WWOX: variants seen among roughly 807,000 people sequenced by gnomAD.
The protein encoded by WWOX is WW domain-containing oxidoreductase.
In WWOX, 69 loss-of-function variants were observed where a neutral mutation model predicts 46.2. The ratio of observed to expected loss-of-function variants is 1.49; its 90% CI spans 1.23 to 1.82. The LOEUF (loss-of-function observed/expected upper bound fraction) is 1.82. Ranked by LOEUF, WWOX falls within the 40% of genes most tolerant of loss-of-function variation. WWOX has a pLI of 0.00. For missense variants in WWOX, 919 were observed against 542.6 expected (o/e 1.69, Z -6.89); for synonymous variants, 359 against 202.6 (o/e 1.77, Z -6.56).
intron 5 of WWOX, among the ~76,000 whole-genome samples, chr16:78,187,877 C>T (rs546308371): frequency 1.3e-3 from 191 of 152,194 alleles, no homozygotes; most frequent in African/African-American, 3.1e-3. Flanking sequence ...AAGGTAGATG[C>T]GGTGGGTTCT....
Position 78,980,048 on chromosome 16 carries a change from A to G in WWOX, c.1057-231560A>G, listed in dbSNP as rs549497681. Among the ~76,000 whole-genome samples the G allele has an allele frequency of 7.9e-5, 12 of 152,290 alleles. No homozygotes were observed. The East Asian group carries it at 2.3e-3, about 30-fold the overall frequency. On this transcript the variant is annotated intron_variant, in intron 8 of 8. Coordinates refer to ENST00000566780, the MANE Select transcript of WWOX (RefSeq NM_016373.4). ...GAAGCTGAGGCAGGAGAATCACTTG[A>G]ACTCAGAAGGCCAAGGTTGTAGTAA...
intron 1 of WWOX, among the ~76,000 whole-genome samples, chr16:78,101,337 G>C (rs983067199): frequency 7.6e-5 from 4 of 52,900 alleles, no homozygotes; most frequent in African/African-American, 1.9e-4. Context: ...GTGAGCTACC[G>C]CTCCCGGCCT....
chr16:78,303,347 G>T (rs780611986), intron 5 of WWOX, among the ~76,000 whole-genome samples: 1 of 152,048 alleles, frequency 6.6e-6, no homozygotes, highest in Non-Finnish European at 1.5e-5. Flanking sequence ...GGCCTGATGC[G>T]CTTTAGGTAC....
At chr16:78,908,734 C>T (rs928625128) in intron 8 of WWOX, among the ~76,000 whole-genome samples, 2 of 152,066 alleles carry the variant, frequency 1.3e-5, no homozygotes, top group African/African-American at 4.8e-5. Context: ...AAGCTGGCCT[C>T]TTGCACTGAG....
chr16:78,575,044 T>TAAATATATATATATATATATATAA, intron 8 of WWOX, among the ~76,000 whole-genome samples: 1 of 6,762 alleles, frequency 1.5e-4, no homozygotes, highest in East Asian at 7.9e-3. Context: ...TATATATATA[T>TAAATATATATATATATATATATAA]ATATATATAT....
At chr16:78,779,814 C>G (rs2050280536) in intron 8 of WWOX, among the ~76,000 whole-genome samples, 2 of 152,116 alleles carry the variant, frequency 1.3e-5, no homozygotes, top group Admixed American at 6.5e-5. Flanking sequence ...TGTACCCTCT[C>G]TGGCCCCAAG....
intron 8 of WWOX, among the ~76,000 whole-genome samples, chr16:78,558,043 G>A (rs1423554431): frequency 4.6e-5 from 7 of 152,086 alleles, no homozygotes; most frequent in African/African-American, 1.7e-4. Flanking sequence ...TCGGCCCTCA[G>A]TGAGCATTTG....
At chr16:78,638,455 A>T (rs371084441) in intron 8 of WWOX, among the ~76,000 whole-genome samples, 3 of 151,884 alleles carry the variant, frequency 2.0e-5, no homozygotes, top group East Asian at 3.9e-4. Flanking sequence ...TGCAAGCAAC[A>T]TCTGAAAGGC....
intron 8 of WWOX, among the ~76,000 whole-genome samples, chr16:78,590,073 C>A (rs767060244): frequency 4.0e-5 from 6 of 151,828 alleles, no homozygotes; most frequent in Admixed American, 1.3e-4. Flanking sequence ...AGCTATGATG[C>A]CTATCCTTAA....
At chr16:78,933,687 G>C (rs1476741892) in intron 8 of WWOX, among the ~76,000 whole-genome samples, 1 of 152,184 alleles carries the variant, frequency 6.6e-6, no homozygotes, top group Non-Finnish European at 1.5e-5. Context: ...GGGCAGACAA[G>C]AGAGGAGAGC....
At chr16:78,621,099 G>A (rs2738563) in intron 8 of WWOX, among the ~76,000 whole-genome samples, 106,379 of 151,974 alleles carry the variant, frequency 0.7, 37,418 homozygotes, top group Middle Eastern at 0.77. Context: ...TTGGTCCACA[G>A]TTTATCTTTG....
At chr16:78,476,123 C>A (rs984838527) in intron 8 of WWOX, among the ~76,000 whole-genome samples, 2 of 152,162 alleles carry the variant, frequency 1.3e-5, no homozygotes, top group African/African-American at 4.8e-5. Flanking sequence ...GCAAATCTTG[C>A]CTGTGATACA....
At chr16:78,353,848 C>T (rs1232056687) in intron 5 of WWOX, among the ~76,000 whole-genome samples, 35 of 152,226 alleles carry the variant, frequency 2.3e-4, no homozygotes, top group Admixed American at 2.3e-3. Context: ...GTTCGCTTTA[C>T]CCTTGCCCTT....
At chr16:78,109,954 A>G (rs557389899) in intron 3 of WWOX, 119 bp downstream of exon 3, 3 of 1,094,670 alleles carry the variant, frequency 2.7e-6, no homozygotes, top group African/African-American at 3.1e-5. Flanking sequence ...TGTATCTGTA[A>G]TCTTAGCAGA....
At chr16:78,317,991 G>A (rs192957823) in intron 5 of WWOX, among the ~76,000 whole-genome samples, 2 of 152,250 alleles carry the variant, frequency 1.3e-5, no homozygotes, top group East Asian at 3.9e-4. Context: ...CCTGATAGCT[G>A]CTGAAAAGGT....
At chr16:78,165,261 C>T (rs2034933750) in intron 5 of WWOX, among the ~76,000 whole-genome samples, 1 of 152,222 alleles carries the variant, frequency 6.6e-6, no homozygotes, top group Admixed American at 6.5e-5. Flanking sequence ...ATTCACTTTT[C>T]ATTCATTCAC....
At chr16:78,117,829 C>T (rs531280020) in intron 4 of WWOX, among the ~76,000 whole-genome samples, 1 of 152,226 alleles carries the variant, frequency 6.6e-6, no homozygotes, top group East Asian at 1.9e-4. Flanking sequence ...TTTCCTTTGG[C>T]CACTCAAGGG....
At chr16:79,046,949 C>T (rs1457046575) in intron 8 of WWOX, among the ~76,000 whole-genome samples, 2 of 152,134 alleles carry the variant, frequency 1.3e-5, no homozygotes, top group African/African-American at 2.4e-5. Flanking sequence ...ATCTCCCTTC[C>T]ATGTAAAAGT....
At chr16:78,587,211 T>TG (rs552875351) in intron 8 of WWOX, among the ~76,000 whole-genome samples, 2,163 of 138,534 alleles carry the variant, frequency 0.016, 28 homozygotes, top group South Asian at 0.028. Context: ...TTTTTTTTTT[T>TG]TTTTTGTAGA....
Sources: allele counts gnomAD v4.1 joint callset (sites outside exome capture counted in the v4.1 genomes callset), GRCh38; gene constraint gnomAD v4.1.1; transcripts MANE v1.5; gene names NCBI Gene and HGNC (gene_info 2026-07-23, HGNC 2026-07-21).